The following PTPRT variants were observed in gnomAD, a reference collection of about 807,000 sequenced individuals.
PTPRT encodes the protein protein tyrosine phosphatase receptor type T.
Under a neutral mutation model 176.8 loss-of-function variants are expected in PTPRT, and 56 were observed. That is an observed-to-expected ratio of 0.32 (90% CI 0.26 to 0.40). The LOEUF (loss-of-function observed/expected upper bound fraction) is 0.40, where lower values mean the gene tolerates loss of function less well. PTPRT is among the 10% of genes least tolerant of loss of function. The pLI is 1.00. For synonymous variants in PTPRT, 783 were observed against 739.0 expected, an observed-to-expected ratio of 1.06 and a Z score of -0.96; for missense variants, 1,540 against 1,908.2, an observed-to-expected ratio of 0.81 and a Z score of 3.60.
intron 7 of PTPRT, among the ~76,000 whole-genome samples, chr20:42,546,294 AG>A: frequency 6.6e-6 from 1 of 152,288 alleles, no homozygotes; most frequent in East Asian, 1.9e-4. Context: ...CAGAAATTGA[AG>A]GTGAGGTACA....
chr20:42,375,251 A>G (rs2058637197), intron 9 of PTPRT, among the ~76,000 whole-genome samples: 1 of 152,222 alleles, frequency 6.6e-6, no homozygotes, highest in South Asian at 2.1e-4. Flanking sequence ...TGGCAAGGAT[A>G]CAAGGAAGAG....
At chr20:42,607,566 G>A (rs993133950) in intron 7 of PTPRT, 1 of 152,430 alleles carries the variant, frequency 6.6e-6, no homozygotes, top group African/African-American at 2.4e-5. Flanking sequence ...TTGAAGTGTT[G>A]ATTCCTTATC....
intron 7 of PTPRT, among the ~76,000 whole-genome samples, chr20:42,579,393 G>C (rs1318173457): frequency 6.6e-6 from 1 of 152,146 alleles, no homozygotes; most frequent in African/African-American, 2.4e-5. Context: ...CTTTATAGCA[G>C]CATGATTTAT....
At chr20:42,178,973 G>A (rs1990407142) in intron 16 of PTPRT, among the ~76,000 whole-genome samples, 1 of 152,142 alleles carries the variant, frequency 6.6e-6, no homozygotes, top group Non-Finnish European at 1.5e-5. Flanking sequence ...AATCTTGAAA[G>A]GGACATCTCA....
chr20:43,078,480 G>A (rs2011341939), intron 1 of PTPRT, among the ~76,000 whole-genome samples: 1 of 152,144 alleles, frequency 6.6e-6, no homozygotes, highest in African/African-American at 2.4e-5. Flanking sequence ...ACTGTGTCCA[G>A]GAGTGGTCAC....
chr20:42,246,498 T>C (rs2056453456), intron 14 of PTPRT, among the ~76,000 whole-genome samples: 1 of 152,144 alleles, frequency 6.6e-6, no homozygotes, highest in Non-Finnish European at 1.5e-5. Flanking sequence ...ATGGACAGTT[T>C]TGATAGACAT....
intron 15 of PTPRT, 30 bp from the exon 16 acceptor site, chr20:42,199,418 A>G (rs1991361897): frequency 1.2e-6 from 2 of 1,608,390 alleles, no homozygotes; most frequent in African/African-American, 2.7e-5. Flanking sequence ...GGAAAAAACC[A>G]CAGTCAGATG....
chr20:42,966,654 A>T (rs1367411933), intron 1 of PTPRT, among the ~76,000 whole-genome samples: 1 of 152,208 alleles, frequency 6.6e-6, no homozygotes, highest in Non-Finnish European at 1.5e-5. Context: ...ATCACATGTG[A>T]ACCACATCAA....
intron 1 of PTPRT, among the ~76,000 whole-genome samples, chr20:42,935,734 G>C (rs1414129205): frequency 1.1e-4 from 17 of 152,176 alleles, no homozygotes; most frequent in Admixed American, 9.8e-4. Flanking sequence ...GTCCAGTCCA[G>C]TCCAGTCTAT....
chr20:42,868,870 T>C (rs552240517), intron 2 of PTPRT, among the ~76,000 whole-genome samples: 1 of 152,232 alleles, frequency 6.6e-6, no homozygotes, highest in Admixed American at 6.5e-5. Context: ...CTCGCTGCTC[T>C]GTGCCACCTC....
intron 7 of PTPRT, among the ~76,000 whole-genome samples, chr20:42,555,377 T>A (rs1426659448): frequency 2.6e-5 from 4 of 152,126 alleles, no homozygotes; most frequent in Non-Finnish European, 4.4e-5. Context: ...GGCGGCCAGG[T>A]GCAGATAGAA....
intron 7 of PTPRT, among the ~76,000 whole-genome samples, chr20:42,595,195 C>T (rs80104617): frequency 0.041 from 6,209 of 151,992 alleles, 397 homozygotes; most frequent in African/African-American, 0.14. Context: ...TGGTGTAGTG[C>T]GTGGGAGATA....
chr20:42,079,911 C>G lies in PTPRT; in HGVS notation c.*968G>C, dbSNP rs1983148792. 1 of 232,466 alleles carries G rather than the reference C, an allele frequency of 4.3e-6. No individual in the cohort carries two copies. The highest frequency in any genetic ancestry group is 5.6e-5 in the Admixed American group (1 of 17,744). 14.4% of individuals were successfully genotyped at this position (232,466 alleles called of 1,614,324 possible). A position where few individuals can be genotyped will look rare whatever the true frequency, so the allele number is the denominator to read the frequency against. ...GAGAGATTTGTCTTAGAGGTACATA[C>G]TCAAACTCCCCCGCCCCCTTCTTTT... On this transcript the variant is annotated 3_prime_UTR_variant, in exon 31 of 31. Coordinates refer to ENST00000373187, the MANE Select transcript of PTPRT (RefSeq NM_007050.6).
intron 7 of PTPRT, among the ~76,000 whole-genome samples, chr20:42,475,384 G>A (rs1281214885): frequency 2.0e-5 from 3 of 152,176 alleles, no homozygotes; most frequent in African/African-American, 7.2e-5. Flanking sequence ...TCACTACCTG[G>A]GAGGAAGGCA....
intron 7 of PTPRT, among the ~76,000 whole-genome samples, chr20:42,669,073 C>T (rs1483294819): frequency 6.6e-6 from 1 of 151,956 alleles, no homozygotes; most frequent in Admixed American, 6.6e-5. Flanking sequence ...AGCAGGTTTT[C>T]TCCCTTCTTT....
At chr20:42,721,025 A>G (rs1211694777) in intron 6 of PTPRT, among the ~76,000 whole-genome samples, 1 of 152,200 alleles carries the variant, frequency 6.6e-6, no homozygotes, top group Non-Finnish European at 1.5e-5. Flanking sequence ...CAAGTGTCAA[A>G]CAAGAGGAAT....
chr20:42,838,075 G>A (rs888843662), intron 2 of PTPRT, among the ~76,000 whole-genome samples: 6 of 152,260 alleles, frequency 3.9e-5, no homozygotes, highest in Admixed American at 3.9e-4. Flanking sequence ...TGAACAGGTT[G>A]GAGTGCAGTA....
chr20:42,302,088 G>T (rs1240345164), intron 12 of PTPRT, among the ~76,000 whole-genome samples: 1 of 151,566 alleles, frequency 6.6e-6, no homozygotes, highest in Non-Finnish European at 1.5e-5. Context: ...TATTTTTTTT[G>T]ACTTACAGTG....
rs1313352947 is a variant in PTPRT, at chr20:42,084,693, C to T, written c.4125G>A (p.Val1375=). 1 of 1,530,280 alleles carries T rather than the reference C, an allele frequency of 6.5e-7. No individual in the cohort carries two copies. Among genetic ancestry groups the T allele is most frequent in the Admixed American group, 1.8e-5 (1 of 54,968 alleles). The allele number at this position is 1,530,280 out of a possible 1,614,324, so 94.8% of individuals were successfully genotyped here. A position where few individuals can be genotyped will look rare whatever the true frequency, so the allele number is the denominator to read the frequency against. The stretch of plus-strand genomic sequence containing the variant: ...TCCCTAGTACTCACAGGCAGTGGAC[C>T]ACAGTACGTCCCTCCCTCCCGTCAT... ...EQYDGREGRT[V]VHCLNGGGRS... is the part of the protein sequence containing the mutation. The change falls in exon 29 of 31, where the codon GTG becomes GTA. Residue 1375 remains valine, a synonymous_variant. Transcript: ENST00000373187.
Sources: allele counts gnomAD v4.1 joint callset (sites outside exome capture counted in the v4.1 genomes callset), GRCh38; gene constraint gnomAD v4.1.1; transcripts MANE v1.5; gene names NCBI Gene and HGNC (gene_info 2026-07-23, HGNC 2026-07-21).